CLVS1: variants seen among roughly 807,000 people sequenced by gnomAD.
CLVS1 encodes the protein clavesin 1.
Under a neutral mutation model 33.1 loss-of-function variants are expected in CLVS1, and 10 were observed. The observed-to-expected ratio is 0.30, with a 90% CI of 0.19 to 0.51. The LOEUF is 0.51. Ranked by LOEUF, CLVS1 falls within the 20% of genes least tolerant of loss-of-function variation. The pLI is 0.97. For missense variants in CLVS1, 343 were observed against 433.4 expected, an observed-to-expected ratio of 0.79 and a Z score of 1.85; for synonymous variants, 163 against 166.1, an observed-to-expected ratio of 0.98 and a Z score of 0.14.
At chr8:60,978,292 T>C in the CLVS1 span, among the ~76,000 whole-genome samples, 2 of 152,248 alleles carry the variant, frequency 1.3e-5, no homozygotes, top group Non-Finnish European at 2.9e-5. Context: ...ATGTATCTTC[T>C]TTTCTTTTCC....
intron 2 of CLVS1, among the ~76,000 whole-genome samples, chr8:61,359,753 T>C (rs1021684643): frequency 6.6e-6 from 1 of 152,212 alleles, no homozygotes; most frequent in Non-Finnish European, 1.5e-5. Flanking sequence ...GAAGAAGTTA[T>C]ATAATTTGTT....
chr8:61,359,170 T>G (rs749419310), intron 2 of CLVS1, among the ~76,000 whole-genome samples: 1 of 152,206 alleles, frequency 6.6e-6, no homozygotes, highest in Admixed American at 6.5e-5. Context: ...TTCACAGAAC[T>G]AAGTTACCAA....
rs372997389 is a variant in CLVS1 at position 61,497,431 on chromosome 8, CA to C, written c.978-2023del. ...GGAGGTTCATCTGTGCCCTGGTGTC[CA>C]GGTTTTTATTGGGGGGGGGGTGTCA... On this transcript the variant is annotated intron_variant, in intron 5 of 5. Coordinates refer to ENST00000325897, the MANE Select transcript of CLVS1 (RefSeq NM_173519.3). Among the ~76,000 whole-genome samples, 141 of 94,448 alleles carry C rather than the reference CA, an allele frequency of 1.5e-3. 1 individual carries two copies. The highest frequency in any genetic ancestry group is 5.7e-3 in the African/African-American group (131 of 22,982). 62.0% of individuals were successfully genotyped at this position (94,448 alleles called of 152,430 possible).
rs150898608 is a variant in CLVS1 at position 61,400,088 on chromosome 8, C to T, written c.630+23309C>T. 5.7e-3 allele frequency among the ~76,000 whole-genome samples: 870 copies of T among 152,248 alleles called. 9 individuals carry two copies. The highest frequency in any genetic ancestry group is 0.02 in the African/African-American group (851 of 41,542). ...CTGTGAAGAATGTCAATGGTAGTTT[C>T]ATGGGTATAGTATTGAATCTATAAA... On this transcript the variant is annotated intron_variant, in intron 3 of 5. Transcript: ENST00000325897.
At chr8:61,326,672 T>C (rs1251876128) in intron 2 of CLVS1, among the ~76,000 whole-genome samples, 1 of 152,138 alleles carries the variant, frequency 6.6e-6, no homozygotes, top group Admixed American at 6.5e-5. Flanking sequence ...CATTAAACAA[T>C]GTACCACAGA....
the CLVS1 span, among the ~76,000 whole-genome samples, chr8:60,998,461 CG>C: frequency 6.6e-6 from 1 of 152,070 alleles, no homozygotes; most frequent in Non-Finnish European, 1.5e-5. Flanking sequence ...AGGGTGGGGG[CG>C]TCCTGTCTTC....
the CLVS1 span, among the ~76,000 whole-genome samples, chr8:61,029,793 C>T: frequency 8.5e-5 from 13 of 152,108 alleles, no homozygotes; most frequent in African/African-American, 2.4e-4. Context: ...AACATTGGGG[C>T]GTATTAGTTC....
intron 3 of CLVS1, among the ~76,000 whole-genome samples, chr8:61,425,246 G>T (rs545584374): frequency 6.6e-6 from 1 of 152,146 alleles, no homozygotes; most frequent in East Asian, 1.9e-4. Flanking sequence ...TCTGTTTAAG[G>T]TACTTTGCAT....
chr8:61,118,040 C>T (rs1163766036), intron 1 of CLVS1, among the ~76,000 whole-genome samples: 2 of 152,168 alleles, frequency 1.3e-5, no homozygotes, highest in African/African-American at 2.4e-5. Flanking sequence ...ATTATTGCCA[C>T]AATTTCAGAT....
the CLVS1 span, among the ~76,000 whole-genome samples, chr8:60,972,646 T>G: frequency 6.6e-6 from 1 of 152,170 alleles, no homozygotes; most frequent in Non-Finnish European, 1.5e-5. Context: ...GATGACCAGA[T>G]GGCCCTACCT....
chr8:61,370,316 C>G (rs1443190605), intron 2 of CLVS1: 1 of 152,126 alleles, frequency 6.6e-6, no homozygotes, highest in Non-Finnish European at 1.5e-5. Flanking sequence ...ACAGTGTACA[C>G]TGTACCCAAT....
At chr8:61,224,836 A>G (rs568158310) in intron 2 of CLVS1, among the ~76,000 whole-genome samples, 140 of 152,326 alleles carry the variant, frequency 9.2e-4, no homozygotes, top group African/African-American at 3.3e-3. Flanking sequence ...CAGGAGCACC[A>G]AGATTCATAA....
intron 2 of CLVS1, among the ~76,000 whole-genome samples, chr8:61,267,480 T>A (rs1809334456): frequency 6.6e-6 from 1 of 152,200 alleles, no homozygotes; most frequent in Non-Finnish European, 1.5e-5. Flanking sequence ...TTTTCTTTGT[T>A]TTATATCAGT....
chr8:61,097,363 A>T (rs1443715917), intron 1 of CLVS1, among the ~76,000 whole-genome samples: 1 of 152,198 alleles, frequency 6.6e-6, no homozygotes, highest in Non-Finnish European at 1.5e-5. Flanking sequence ...AACTCAGTGT[A>T]TATGGTCATT....
intron 1 of CLVS1, among the ~76,000 whole-genome samples, chr8:61,088,086 A>G (rs987533506): frequency 6.6e-6 from 1 of 152,216 alleles, no homozygotes; most frequent in South Asian, 2.1e-4. Flanking sequence ...AACTATATGT[A>G]TGCATTTTTC....
intron 2 of CLVS1, among the ~76,000 whole-genome samples, chr8:61,365,382 C>A (rs1451890684): frequency 1.3e-5 from 2 of 152,084 alleles, no homozygotes; most frequent in Non-Finnish European, 2.9e-5. Context: ...TAAAAATTAG[C>A]TGGGTGTGGT....
chr8:61,261,660 C>T (rs1337364907), intron 2 of CLVS1, among the ~76,000 whole-genome samples: 1 of 152,156 alleles, frequency 6.6e-6, no homozygotes, highest in Non-Finnish European at 1.5e-5. Context: ...AAAGAGACCC[C>T]AAATAGCTCC....
intron 2 of CLVS1, among the ~76,000 whole-genome samples, chr8:61,138,264 A>C (rs7840178): frequency 0.18 from 26,807 of 152,186 alleles, 2,511 homozygotes; most frequent in Admixed American, 0.3. Flanking sequence ...ATTACCAACA[A>C]CAGAGATAAG....
At chr8:61,035,402 C>G in the CLVS1 span, among the ~76,000 whole-genome samples, 4 of 152,006 alleles carry the variant, frequency 2.6e-5, no homozygotes, top group African/African-American at 9.6e-5. Context: ...GAGAAGACAC[C>G]AAAGAGTAAC....
Sources: allele counts gnomAD v4.1 joint callset (sites outside exome capture counted in the v4.1 genomes callset), GRCh38; gene constraint gnomAD v4.1.1; transcripts MANE v1.5; gene names NCBI Gene and HGNC (gene_info 2026-07-23, HGNC 2026-07-21).